The following SORCS1 variants were observed in gnomAD, a reference collection of about 807,000 sequenced individuals.
The protein encoded by SORCS1 is VPS10 domain-containing receptor SorCS1.
A neutral mutation model predicts 146.1 loss-of-function variants in SORCS1; 60 were observed. That is an observed-to-expected ratio of 0.41 (90% CI 0.33 to 0.51). SORCS1 has a LOEUF of 0.51. Ranked by LOEUF, SORCS1 falls within the 20% of genes least tolerant of loss-of-function variation. SORCS1 has a pLI of 0.21. For missense variants in SORCS1, 1,352 were observed against 1,487.6 expected, an observed-to-expected ratio of 0.91 and a Z score of 1.50; for synonymous variants, 637 against 584.0, an observed-to-expected ratio of 1.09 and a Z score of -1.31.
At chr10:106,776,464 A>G in intron 4 of SORCS1, 70 bp downstream of exon 4, 1 of 1,571,344 alleles carries the variant, frequency 6.4e-7, no homozygotes, top group Non-Finnish European at 8.7e-7. Context: ...AAATGGAGAG[A>G]TGATTAAATT....
At chr10:107,141,860 C>T (rs555911103) in intron 1 of SORCS1, among the ~76,000 whole-genome samples, 1 of 152,278 alleles carries the variant, frequency 6.6e-6, no homozygotes, top group East Asian at 1.9e-4. Context: ...ACCATCCCTT[C>T]ACTTCACTGA....
chr10:107,164,019 C>G lies in SORCS1; in HGVS notation c.508G>C (p.Asp170His). 6.2e-7 allele frequency: 1 copy of G among 1,614,138 alleles called. No individual in the cohort carries two copies. The highest frequency in any genetic ancestry group is 8.5e-7 in the Non-Finnish European group (1 of 1,180,038). Reference protein sequence around the residue: ...LTSTTFALTGDSAHNQAMVHW... With the variant: ...LTSTTFALTGHSAHNQAMVHW... The stretch of plus-strand genomic sequence containing the variant: ...ACCATGGCTTGGTTGTGTGCTGAGT[C>G]TCCCGTCAGCGCAAACGTGGTGCTG... Residue 170 changes from aspartate (D) to histidine (H), a missense_variant, in exon 1 of 26, where the codon GAC becomes CAC. Asp to His is a moderately conservative substitution (Grantham distance 81). Coordinates refer to ENST00000263054, the MANE Select transcript of SORCS1 (RefSeq NM_052918.5). The surrounding 1 kb of genome is among the most constrained non-coding windows in gnomAD (Gnocchi z 6.8).
At chr10:106,921,626 C>T (rs1017736870) in intron 2 of SORCS1, among the ~76,000 whole-genome samples, 7 of 152,050 alleles carry the variant, frequency 4.6e-5, no homozygotes, top group Admixed American at 1.3e-4. Flanking sequence ...CACAGGGAGT[C>T]GGGAGGAAGG....
At chr10:106,629,619 G>A (rs1400833135) in intron 18 of SORCS1, among the ~76,000 whole-genome samples, 1 of 152,214 alleles carries the variant, frequency 6.6e-6, no homozygotes, top group Non-Finnish European at 1.5e-5. Flanking sequence ...ACCAACTACT[G>A]TAAGTTTCAG....
At chr10:106,645,643 G>C (rs1849371185) in intron 18 of SORCS1, among the ~76,000 whole-genome samples, 2 of 151,974 alleles carry the variant, frequency 1.3e-5, no homozygotes, top group Admixed American at 1.3e-4. Flanking sequence ...TTTCTGTTGA[G>C]TTACCAGTGT....
chr10:106,867,916 G>A (rs1048171664), intron 2 of SORCS1, among the ~76,000 whole-genome samples: 2 of 152,136 alleles, frequency 1.3e-5, no homozygotes, highest in Non-Finnish European at 2.9e-5. Context: ...AGAGTGTCAA[G>A]CTGGATGAAA....
intron 1 of SORCS1, among the ~76,000 whole-genome samples, chr10:106,985,905 A>G (rs1172367213): frequency 6.6e-6 from 1 of 151,658 alleles, no homozygotes; most frequent in Non-Finnish European, 1.5e-5. Context: ...GACACAGAGT[A>G]CCCCTTTCCC....
intron 1 of SORCS1, among the ~76,000 whole-genome samples, chr10:106,962,371 G>A (rs1955267344): frequency 1.1e-5 from 1 of 87,330 alleles, no homozygotes; most frequent in Admixed American, 1.9e-4. Context: ...TCCAGCCTGG[G>A]CAACAAGAGC....
chr10:106,904,917 T>C (rs147384240), intron 2 of SORCS1, among the ~76,000 whole-genome samples: 120 of 152,174 alleles, frequency 7.9e-4, no homozygotes, highest in Non-Finnish European at 1.4e-3. Flanking sequence ...ACAAAAACTA[T>C]TGAAAGAGGA....
chr10:107,063,022 A>C (rs1338021768), intron 1 of SORCS1, among the ~76,000 whole-genome samples: 3 of 152,216 alleles, frequency 2.0e-5, no homozygotes, highest in African/African-American at 7.2e-5. Flanking sequence ...TAAGAACCTT[A>C]CTAGGCTCTG....
intron 4 of SORCS1, among the ~76,000 whole-genome samples, chr10:106,772,956 G>A (rs538565134): frequency 8.1e-4 from 124 of 152,248 alleles, no homozygotes; most frequent in Non-Finnish European, 1.5e-3. Context: ...ATGTCAGGGA[G>A]ATAAGGGGAA....
At chr10:106,736,602 T>TTAAAAAAAAAAAAAAAAAAAAA (rs1433395056) in intron 5 of SORCS1, among the ~76,000 whole-genome samples, 1 of 38,758 alleles carries the variant, frequency 2.6e-5, no homozygotes, top group Admixed American at 3.3e-4. Context: ...TAACCCTGGT[T>TTAAAAAAAAAAAAAAAAAAAAA]AAAAAAAAAA....
At chr10:106,709,511 C>G (rs182119455) in intron 6 of SORCS1, among the ~76,000 whole-genome samples, 170 bp from the exon 7 acceptor site, 2 of 138,476 alleles carry the variant, frequency 1.4e-5, no homozygotes, top group African/African-American at 2.7e-5. Flanking sequence ...TGCAGTGGTG[C>G]GATCTCGGCT....
intron 5 of SORCS1, among the ~76,000 whole-genome samples, chr10:106,730,388 C>T (rs938312996): frequency 1.3e-5 from 2 of 152,228 alleles, no homozygotes; most frequent in Non-Finnish European, 2.9e-5. Context: ...AGGTCCTACG[C>T]ATGTTGGGTG....
At chr10:106,857,827 A>G (rs1456001108) in intron 2 of SORCS1, among the ~76,000 whole-genome samples, 1 of 152,218 alleles carries the variant, frequency 6.6e-6, no homozygotes, top group Non-Finnish European at 1.5e-5. Flanking sequence ...TGTCAAGAAA[A>G]TATCTTCAAA....
chr10:106,746,382 C>T (rs763189825), intron 5 of SORCS1, among the ~76,000 whole-genome samples: 1 of 152,138 alleles, frequency 6.6e-6, no homozygotes, highest in Non-Finnish European at 1.5e-5. Context: ...GGAAAAAAAT[C>T]CTATGCCCAA....
intron 1 of SORCS1, among the ~76,000 whole-genome samples, chr10:107,127,232 T>A (rs1966763016): frequency 6.6e-6 from 1 of 152,188 alleles, no homozygotes; most frequent in Non-Finnish European, 1.5e-5. Context: ...GATTCAGGAT[T>A]CTATGCTGTC....
At chr10:106,892,765 TA>T (rs1176082222) in intron 2 of SORCS1, among the ~76,000 whole-genome samples, 3 of 152,158 alleles carry the variant, frequency 2.0e-5, no homozygotes. Flanking sequence ...CCAGATAAAT[TA>T]AACTCCATTT....
At chr10:107,082,649 T>C (rs1246221565) in intron 1 of SORCS1, among the ~76,000 whole-genome samples, 2 of 152,038 alleles carry the variant, frequency 1.3e-5, no homozygotes, top group African/African-American at 4.8e-5. Flanking sequence ...AGCTGGCTAA[T>C]TTTTGTATTT....
Sources: gnomAD v4.1 joint callset for allele counts (sites outside exome capture counted in the v4.1 genomes callset) on GRCh38, gnomAD v4.1.1 for gene constraint, Gnocchi (gnomAD v3.1) non-coding constraint, MANE v1.5 for transcripts, NCBI Gene and HGNC (gene_info 2026-07-23, HGNC 2026-07-21) for gene names.